Variants in DOCK3 observed in about 807,000 individuals in gnomAD.
DOCK3 encodes dedicator of cytokinesis protein 3.
Under a neutral mutation model 265.6 loss-of-function variants are expected in DOCK3, and 60 were observed. The ratio of observed to expected loss-of-function variants is 0.23; its 90% CI spans 0.18 to 0.28. The LOEUF (loss-of-function observed/expected upper bound fraction) is 0.28. DOCK3 is among the 10% of genes least tolerant of loss of function. The pLI is 1.00. For missense variants in DOCK3, 1,981 were observed against 2,594.3 expected, an observed-to-expected ratio of 0.76 and a Z score of 5.14; for synonymous variants, 881 against 938.0, an observed-to-expected ratio of 0.94 and a Z score of 1.11.
intron 24 of DOCK3, among the ~76,000 whole-genome samples, chr3:51,271,880 A>AG (rs11371670): frequency 0.91 from 135,883 of 149,050 alleles, 62,089 homozygotes; most frequent in African/African-American, 0.95. Context: ...AGGCCCTGAA[A>AG]GGGGCCCTGA....
intron 32 of DOCK3, among the ~76,000 whole-genome samples, chr3:51,320,023 A>G (rs534581412): frequency 6.6e-6 from 1 of 152,238 alleles, no homozygotes; most frequent in South Asian, 2.1e-4. Context: ...AAATTGTTAG[A>G]GGGCTGGCAA....
intron 49 of DOCK3, among the ~76,000 whole-genome samples, chr3:51,367,680 G>A (rs2087326537): frequency 6.6e-6 from 1 of 152,196 alleles, no homozygotes; most frequent in Non-Finnish European, 1.5e-5. Flanking sequence ...TTGTAAGGTA[G>A]GCCTGGTGGT....
At chr3:51,048,350 A>G (rs1188477708) in intron 5 of DOCK3, among the ~76,000 whole-genome samples, 1 of 152,156 alleles carries the variant, frequency 6.6e-6, no homozygotes, top group Non-Finnish European at 1.5e-5. Flanking sequence ...CCTTGCCACT[A>G]TTCAACATGG....
At chr3:50,702,753 T>A (rs2036137498) in intron 1 of DOCK3, among the ~76,000 whole-genome samples, 1 of 152,048 alleles carries the variant, frequency 6.6e-6, no homozygotes, top group Non-Finnish European at 1.5e-5. Context: ...TCCTGTAGTT[T>A]CCAGCTTTTT....
At chr3:50,796,699 T>C (rs2042805009) in intron 2 of DOCK3, among the ~76,000 whole-genome samples, 1 of 152,230 alleles carries the variant, frequency 6.6e-6, no homozygotes, top group Non-Finnish European at 1.5e-5. Flanking sequence ...GTTATTGCAC[T>C]GATTCTTTTT....
chr3:51,101,245 C>T (rs1459835746), intron 9 of DOCK3, among the ~76,000 whole-genome samples: 10 of 151,290 alleles, frequency 6.6e-5, no homozygotes, highest in South Asian at 6.3e-4. Context: ...CTCAGCCTCC[C>T]GAGTAGCTGG....
chr3:50,706,287 G>A (rs530232156), intron 1 of DOCK3, among the ~76,000 whole-genome samples: 83 of 152,350 alleles, frequency 5.4e-4, no homozygotes, highest in African/African-American at 1.9e-3. Context: ...GGCCAGTATA[G>A]TCGTTAATGA....
Position 51,089,791 on chromosome 3 carries a change from A to G in DOCK3, c.592-439A>G, listed in dbSNP as rs545499001. ...ATGGTGGGTGCCTGTAATCCCAGCT[A>G]CTCAGGAGGCTGAGGGAGGAGAATT... is the stretch of plus-strand genomic sequence containing the variant. On this transcript the variant is annotated intron_variant, in intron 8 of 52. Transcript: ENST00000266037. 3.3e-5 allele frequency among the ~76,000 whole-genome samples: 5 copies of G among 150,550 alleles called. 2 individuals are homozygous for G. Among genetic ancestry groups the G allele is most frequent in the African/African-American group, 1.2e-4 (5 of 40,780 alleles).
chr3:50,900,493 C>T (rs2049131816), intron 4 of DOCK3, among the ~76,000 whole-genome samples: 1 of 152,184 alleles, frequency 6.6e-6, no homozygotes, highest in Non-Finnish European at 1.5e-5. Flanking sequence ...TTGTCAAACT[C>T]ATTCTCCATC....
intron 2 of DOCK3, among the ~76,000 whole-genome samples, chr3:50,828,689 G>A (rs947043837): frequency 1.3e-5 from 2 of 151,688 alleles, no homozygotes. Context: ...ACAGGTGTGA[G>A]CCATGGCGCC....
At chr3:51,148,485 T>G (rs886683280) in intron 10 of DOCK3, among the ~76,000 whole-genome samples, 4 of 152,216 alleles carry the variant, frequency 2.6e-5, no homozygotes, top group Non-Finnish European at 5.9e-5. Flanking sequence ...GGTCCAACAT[T>G]TAAGTCCTTA....
intron 24 of DOCK3, among the ~76,000 whole-genome samples, chr3:51,273,216 G>A (rs867487103): frequency 6.6e-6 from 1 of 151,358 alleles, no homozygotes; most frequent in African/African-American, 2.4e-5. Flanking sequence ...AAGGGGAACA[G>A]CAGACTGCTC....
intron 3 of DOCK3, among the ~76,000 whole-genome samples, chr3:50,881,949 G>A (rs889425110): frequency 1.6e-4 from 25 of 152,038 alleles, no homozygotes; most frequent in African/African-American, 3.9e-4. Context: ...TAGAGCCCTC[G>A]GAAATAATAC....
intron 5 of DOCK3, among the ~76,000 whole-genome samples, chr3:51,008,212 G>A (rs2078768251): frequency 6.6e-6 from 1 of 152,100 alleles, no homozygotes; most frequent in Admixed American, 6.6e-5. Flanking sequence ...AATTACCTTG[G>A]GCAGTATGGC....
intron 4 of DOCK3, among the ~76,000 whole-genome samples, chr3:50,927,727 G>C (rs900261885): frequency 5.9e-5 from 9 of 152,124 alleles, no homozygotes; most frequent in Non-Finnish European, 1.2e-4. Context: ...TTAGGTCATA[G>C]CCCTGTGTTC....
At chr3:50,756,197 A>G (rs1348165335) in intron 1 of DOCK3, among the ~76,000 whole-genome samples, 2 of 152,196 alleles carry the variant, frequency 1.3e-5, no homozygotes, top group Non-Finnish European at 2.9e-5. Flanking sequence ...AGTTGTACAC[A>G]TGCTAATTTG....
chr3:50,890,209 T>TA, intron 4 of DOCK3, 128 bp downstream of exon 4: 1 of 628,454 alleles, frequency 1.6e-6, no homozygotes, highest in East Asian at 3.5e-5. Context: ...GTACATGCTT[T>TA]ATCATGTAAT....
intron 2 of DOCK3, among the ~76,000 whole-genome samples, chr3:50,803,918 G>A (rs371579265): frequency 6.6e-6 from 1 of 152,038 alleles, no homozygotes; most frequent in South Asian, 2.1e-4. Flanking sequence ...CGGCTGCCGG[G>A]TGGAGACGCT....
chr3:50,676,132 G>C (rs1269422269), intron 1 of DOCK3, among the ~76,000 whole-genome samples: 1 of 152,138 alleles, frequency 6.6e-6, no homozygotes, highest in Non-Finnish European at 1.5e-5. Flanking sequence ...TTAAAATGTT[G>C]AGTGTACAGG....
Sources: gnomAD v4.1 joint callset for allele counts (sites outside exome capture counted in the v4.1 genomes callset) on GRCh38, gnomAD v4.1.1 for gene constraint, MANE v1.5 for transcripts, NCBI Gene and HGNC (gene_info 2026-07-23, HGNC 2026-07-21) for gene names.